The following SNX29 variants were observed in gnomAD, a reference collection of about 807,000 sequenced individuals.
SNX29 encodes the protein sorting nexin 29, also known as sorting nexin-29.
Under a neutral mutation model 102.1 loss-of-function variants are expected in SNX29, and 78 were observed. That is an observed-to-expected ratio of 0.76 (90% CI 0.64 to 0.92). The LOEUF is 0.92. SNX29 is among the 40% of genes least tolerant of loss of function. SNX29 has a pLI of 0.00. For synonymous variants in SNX29, 580 were observed against 414.5 expected, an observed-to-expected ratio of 1.40 and a Z score of -4.85; for missense variants, 1,280 against 1,061.7, an observed-to-expected ratio of 1.21 and a Z score of -2.86.
chr16:12,159,317 A>G (rs771263640), intron 13 of SNX29, among the ~76,000 whole-genome samples: 1 of 152,136 alleles, frequency 6.6e-6, no homozygotes, highest in Non-Finnish European at 1.5e-5. Flanking sequence ...GGCTCAGCAC[A>G]CTGTATGTTG....
chr16:12,555,346 G>A (rs1310331038), intron 20 of SNX29, among the ~76,000 whole-genome samples: 5 of 151,842 alleles, frequency 3.3e-5, no homozygotes, highest in South Asian at 4.2e-4. Context: ...TGAGAAACAT[G>A]TTGGTTAACT....
At chr16:12,104,356 G>C (rs1443026584) in intron 11 of SNX29, among the ~76,000 whole-genome samples, 1 of 152,156 alleles carries the variant, frequency 6.6e-6, no homozygotes. Context: ...AGGAGTTCGA[G>C]ACCAGCCTGG....
intron 20 of SNX29, chr16:12,560,995 A>G (rs1002549724): frequency 4.7e-6 from 1 of 214,842 alleles, no homozygotes; most frequent in Non-Finnish European, 9.4e-6. Context: ...TGCCAGAGCC[A>G]TTTCTGGATC....
chr16:12,487,314 G>A (rs962634194), intron 19 of SNX29, among the ~76,000 whole-genome samples: 4 of 152,126 alleles, frequency 2.6e-5, no homozygotes, highest in East Asian at 1.9e-4. Context: ...GGATGGTCCC[G>A]CCGAAAACCT....
At chr16:12,129,516 A>G in intron 12 of SNX29, 114 bp from the exon 13 acceptor site, 1 of 1,331,864 alleles carries the variant, frequency 7.5e-7, no homozygotes, top group African/African-American at 1.5e-5. Flanking sequence ...TGGTTTATGC[A>G]GAGCCTTGTG....
At chr16:12,502,382 G>A (rs1302655101) in intron 19 of SNX29, among the ~76,000 whole-genome samples, 1 of 152,140 alleles carries the variant, frequency 6.6e-6, no homozygotes, top group African/African-American at 2.4e-5. Context: ...AGTGATTCGG[G>A]GAATGGCTTC....
At position 12,033,682 on chromosome 16, in the gene SNX29, C is replaced by T. The variant is rs529983497; in HGVS notation, c.247+6238C>T. ...AGTGCAGTGGTGCAATCTTGGCCCA[C>T]TGCAGCCTATGCCTCCTGGGTTCAA... On this transcript the variant is annotated intron_variant, in intron 4 of 20. Transcript: ENST00000566228. Among the ~76,000 whole-genome samples the T allele has an allele frequency of 2.9e-4, 44 of 151,820 alleles. No homozygotes were observed. In the South Asian group the frequency reaches 7.5e-3, roughly 26 times the overall value.
chr16:12,211,371 C>T (rs2077178705), intron 14 of SNX29, among the ~76,000 whole-genome samples: 2 of 152,172 alleles, frequency 1.3e-5, no homozygotes, highest in African/African-American at 2.4e-5. Context: ...AAGCTCTGTT[C>T]ATTGGGTACC....
chr16:12,266,096 T>C (rs2078919553), intron 14 of SNX29, among the ~76,000 whole-genome samples: 1 of 152,116 alleles, frequency 6.6e-6, no homozygotes. Context: ...TTCTTTTTTC[T>C]TTTTTTAAGA....
In SNX29 at chr16:12,572,170, G is replaced by A. The variant is rs1163231838; in HGVS notation, c.*3541G>A. 1.0e-6 allele frequency: 1 copy of A among 983,928 alleles called. No individual in the cohort carries two copies. The highest frequency in any genetic ancestry group is 4.9e-5 in the South Asian group (1 of 20,322). The allele number at this position is 983,928 out of a possible 1,614,324, so 60.9% of individuals were successfully genotyped here. A position where few individuals can be genotyped will look rare whatever the true frequency, so the allele number is the denominator to read the frequency against. On this transcript the variant is annotated 3_prime_UTR_variant, in exon 21 of 21. Coordinates refer to ENST00000566228, the MANE Select transcript of SNX29 (RefSeq NM_032167.5). ...TATTAAGATCAATTTTGATAACCAT[G>A]TAATTTCTTAGAACCATGGCAGGTA...
At chr16:12,462,038 CACACACTCTT>C (rs1169376437) in intron 18 of SNX29, among the ~76,000 whole-genome samples, 1 of 134,568 alleles carries the variant, frequency 7.4e-6, no homozygotes, top group African/African-American at 2.8e-5. Context: ...CACACACACA[CACACACTCTT>C]ATATATGAGA....
chr16:11,989,127 C>G lies in SNX29; in HGVS notation c.8-10170C>G, dbSNP rs557690315. Among the ~76,000 whole-genome samples, 8 of 152,246 alleles carry G rather than the reference C, an allele frequency of 5.3e-5. No individual in the cohort carries two copies. The East Asian group carries it at 1.4e-3, about 26-fold the overall frequency. On this transcript the variant is annotated intron_variant, in intron 1 of 20. Transcript: ENST00000566228. ...AGCTGGGATTACGGGTGGGTGCCATCATGCCTGGCTAATTTTTGTATTTTC... is the reference window on the plus strand; with the variant it reads ...AGCTGGGATTACGGGTGGGTGCCATGATGCCTGGCTAATTTTTGTATTTTC...
intron 13 of SNX29, among the ~76,000 whole-genome samples, chr16:12,151,349 T>C (rs1297803072): frequency 1.3e-5 from 2 of 152,246 alleles, no homozygotes; most frequent in East Asian, 3.8e-4. Flanking sequence ...AATATCTAAG[T>C]TCAAAGTTCC....
intron 15 of SNX29, among the ~76,000 whole-genome samples, chr16:12,334,234 AAACAAAGCACACC>A (rs1567449224): frequency 6.6e-6 from 1 of 152,170 alleles, no homozygotes; most frequent in Non-Finnish European, 1.5e-5. Flanking sequence ...GCATGTTTTG[AAACAAAGCACACC>A]GCCAAGGAAC....
intron 20 of SNX29, among the ~76,000 whole-genome samples, chr16:12,567,825 C>G (rs897644977): frequency 6.6e-6 from 1 of 152,198 alleles, no homozygotes; most frequent in Admixed American, 6.5e-5. Context: ...ACCCTCTGCT[C>G]TCACGGTGAA....
At chr16:12,271,341 A>G (rs1321527739) in intron 14 of SNX29, among the ~76,000 whole-genome samples, 2 of 152,234 alleles carry the variant, frequency 1.3e-5, no homozygotes, top group Non-Finnish European at 2.9e-5. Flanking sequence ...GGCTGCGTGC[A>G]TCAGTTCCTT....
At chr16:12,196,295 A>G (rs1171377963) in intron 13 of SNX29, among the ~76,000 whole-genome samples, 1 of 152,184 alleles carries the variant, frequency 6.6e-6, no homozygotes, top group Non-Finnish European at 1.5e-5. Context: ...GAAGGCAGTA[A>G]GAAAAATGGC....
chr16:12,221,332 G>A (rs1037859913), intron 14 of SNX29, among the ~76,000 whole-genome samples: 6 of 152,154 alleles, frequency 3.9e-5, no homozygotes, highest in African/African-American at 1.4e-4. Flanking sequence ...GTGACCAGAT[G>A]GACCAGGTGT....
intron 14 of SNX29, among the ~76,000 whole-genome samples, chr16:12,273,059 C>T (rs1042292943): frequency 6.6e-6 from 1 of 152,104 alleles, no homozygotes; most frequent in African/African-American, 2.4e-5. Flanking sequence ...TTTTCCTGCA[C>T]GATCTCTTGA....
Sources: gnomAD v4.1 joint callset for allele counts (sites outside exome capture counted in the v4.1 genomes callset) on GRCh38, gnomAD v4.1.1 for gene constraint, MANE v1.5 for transcripts, NCBI Gene and HGNC (gene_info 2026-07-23, HGNC 2026-07-21) for gene names.